Variants in DNM3 observed in about 807,000 individuals in gnomAD.
The protein encoded by DNM3 is dynamin-3.
DNM3 carries 47 observed loss-of-function variants against 101.6 expected under a neutral mutation model. The observed-to-expected ratio is 0.46, with a 90% confidence interval of 0.37 to 0.59. The LOEUF is 0.59. Among genes scored for constraint, DNM3 ranks in the 20% least tolerant of loss-of-function variants. DNM3 has a pLI of 0.00. For synonymous variants in DNM3, 385 were observed against 387.9 expected (o/e 0.99, Z 0.09); for missense variants, 849 against 1,085.7 (o/e 0.78, Z 3.06).
At chr1:172,077,370 G>T (rs1211415221) in intron 11 of DNM3, among the ~76,000 whole-genome samples, 1 of 152,016 alleles carries the variant, frequency 6.6e-6, no homozygotes, top group Non-Finnish European at 1.5e-5. Context: ...TTTTGCGTTT[G>T]CCCTTGCTTC....
At chr1:172,010,582 C>T (rs2047042436) in intron 4 of DNM3, among the ~76,000 whole-genome samples, 1 of 125,596 alleles carries the variant, frequency 8.0e-6, no homozygotes, top group African/African-American at 2.9e-5. Flanking sequence ...TTGTGTGTGT[C>T]TCTCTTTTTT....
At chr1:172,399,344 A>T (rs1232952961) in intron 20 of DNM3, among the ~76,000 whole-genome samples, 1 of 152,212 alleles carries the variant, frequency 6.6e-6, no homozygotes. Context: ...GCCAGTGTCA[A>T]AGACTCATTT....
intron 15 of DNM3, among the ~76,000 whole-genome samples, chr1:172,262,119 C>T (rs1409518365): frequency 3.3e-5 from 5 of 152,114 alleles, no homozygotes; most frequent in Non-Finnish European, 2.9e-5. Flanking sequence ...ACTGGGAAGC[C>T]TATGGTTGCT....
At chr1:172,188,689 A>T (rs937943350) in intron 14 of DNM3, among the ~76,000 whole-genome samples, 1 of 152,070 alleles carries the variant, frequency 6.6e-6, no homozygotes, top group Non-Finnish European at 1.5e-5. Context: ...TTGGGTGAAT[A>T]CCTAGGATTA....
At chr1:171,871,641 T>C (rs1307465184) in intron 1 of DNM3, among the ~76,000 whole-genome samples, 17 of 152,208 alleles carry the variant, frequency 1.1e-4, no homozygotes, top group Admixed American at 1.1e-3. Flanking sequence ...TATTTCTATA[T>C]TAGTGACCAT....
intron 2 of DNM3, among the ~76,000 whole-genome samples, chr1:171,984,658 C>T (rs1023932709): frequency 1.3e-5 from 2 of 152,068 alleles, no homozygotes; most frequent in African/African-American, 4.8e-5. Context: ...CACTTAGCAT[C>T]ACACACACAC....
downstream of DNM3, among the ~76,000 whole-genome samples, chr1:172,417,166 T>C (rs1279003122): frequency 6.6e-6 from 1 of 152,188 alleles, no homozygotes; most frequent in Non-Finnish European, 1.5e-5. Flanking sequence ...GTGAGCGTTG[T>C]TGAACACCTG....
intron 14 of DNM3, among the ~76,000 whole-genome samples, chr1:172,177,594 G>A (rs781024268): frequency 1.3e-5 from 2 of 151,820 alleles, no homozygotes; most frequent in Non-Finnish European, 2.9e-5. Context: ...CTGCCTTGTG[G>A]GGGCTTAGAA....
At chr1:172,218,091 A>G (rs889733810) in intron 14 of DNM3, among the ~76,000 whole-genome samples, 4 of 152,278 alleles carry the variant, frequency 2.6e-5, no homozygotes, top group African/African-American at 7.2e-5. Flanking sequence ...GGGTTTCAAA[A>G]GTGTCCTTTT....
chr1:172,072,972 C>T (rs1008405943), intron 11 of DNM3, among the ~76,000 whole-genome samples: 2 of 152,008 alleles, frequency 1.3e-5, no homozygotes, highest in Non-Finnish European at 2.9e-5. Context: ...TTATTGGGCA[C>T]CTATTGTGTG....
At chr1:172,187,808 A>T (rs564865602) in intron 14 of DNM3, among the ~76,000 whole-genome samples, 75 of 152,092 alleles carry the variant, frequency 4.9e-4, no homozygotes, top group African/African-American at 1.8e-3. Flanking sequence ...TTCAGATCAT[A>T]TGAGATTTCA....
intron 13 of DNM3, among the ~76,000 whole-genome samples, chr1:172,102,110 G>A (rs1023662329): frequency 2.0e-5 from 3 of 151,664 alleles, no homozygotes; most frequent in Admixed American, 6.6e-5. Flanking sequence ...TACCCACCTC[G>A]GCCTCTCAAA....
chr1:172,374,602 C>T (rs2068507418), intron 17 of DNM3, among the ~76,000 whole-genome samples: 2 of 151,944 alleles, frequency 1.3e-5, no homozygotes, highest in South Asian at 4.1e-4. Context: ...TTACATTGAA[C>T]TTTGAAAGAT....
intron 15 of DNM3, among the ~76,000 whole-genome samples, chr1:172,299,400 AACTT>A (rs2064327896): frequency 6.6e-6 from 1 of 152,204 alleles, no homozygotes; most frequent in Non-Finnish European, 1.5e-5. Flanking sequence ...ATTTAATATC[AACTT>A]ACTTTATTTT....
In DNM3 at chr1:171,841,553, G is replaced by A; in HGVS notation, c.-104G>A. 6.9e-7 allele frequency: 1 copy of A among 1,457,442 alleles called. No homozygotes were observed. The highest frequency in any genetic ancestry group is 1.5e-5 in the African/African-American group (1 of 68,140). The allele number at this position is 1,457,442 out of a possible 1,614,324, so 90.3% of individuals were successfully genotyped here. ...CGACGTCTGCGCCAGGACCTGGCTG[G>A]CTGAGCCCGGCGCAGCAGCAGCAGC... On this transcript the variant is annotated 5_prime_UTR_variant, in exon 1 of 21. Transcript: ENST00000627582.
At chr1:172,086,682 C>A (rs1430532724) in intron 12 of DNM3, among the ~76,000 whole-genome samples, 1 of 152,112 alleles carries the variant, frequency 6.6e-6, no homozygotes, top group African/African-American at 2.4e-5. Context: ...CACTGTGGGT[C>A]CTACTTTATT....
At chr1:172,013,235 C>G (rs899134562) in intron 4 of DNM3, among the ~76,000 whole-genome samples, 9 of 151,836 alleles carry the variant, frequency 5.9e-5, no homozygotes, top group African/African-American at 2.2e-4. Flanking sequence ...TGAAATGACA[C>G]CCCACTTATA....
In DNM3 at chr1:172,032,436, C is replaced by A; in HGVS notation, c.624C>A (p.Asp208Glu). ...CCATTGGAGTTATCACCAAACTGGACCTTATGGATGAAGGAACGGATGCCA... is the reference window on the plus strand; with the variant it reads ...CCATTGGAGTTATCACCAAACTGGAACTTATGGATGAAGGAACGGATGCCA... ...LRTIGVITKL[D>E]LMDEGTDARD... Residue 208 changes from aspartate to glutamate, a missense_variant, in exon 5 of 21, where the codon GAC becomes GAA. Coordinates refer to ENST00000627582, the MANE Select transcript of DNM3 (RefSeq NM_015569.5). The A allele has an allele frequency of 6.2e-7, 1 of 1,611,720 alleles. No homozygotes were observed. The highest frequency in any genetic ancestry group is 1.7e-4 in the Middle Eastern group (1 of 6,044).
At chr1:172,241,088 C>T (rs1039949875) in intron 14 of DNM3, among the ~76,000 whole-genome samples, 35 of 151,890 alleles carry the variant, frequency 2.3e-4, no homozygotes, top group African/African-American at 7.5e-4. Flanking sequence ...TGCAAACCAC[C>T]AGGATTTTTT....
Sources: allele counts gnomAD v4.1 joint callset (sites outside exome capture counted in the v4.1 genomes callset), GRCh38; gene constraint gnomAD v4.1.1; transcripts MANE v1.5; gene names NCBI Gene and HGNC (gene_info 2026-07-23, HGNC 2026-07-21).